Variants in ZNF385D observed in about 807,000 individuals in gnomAD.
ZNF385D encodes zinc finger protein 385D.
ZNF385D carries 15 observed loss-of-function variants against 35.8 expected under a neutral mutation model. The observed-to-expected ratio is 0.42, with a 90% CI of 0.28 to 0.64. ZNF385D has a LOEUF of 0.64. Among genes scored for constraint, ZNF385D ranks in the 30% least tolerant of loss-of-function variants. The pLI, the probability that ZNF385D is intolerant of heterozygous loss-of-function variation, is 0.23. For synonymous variants in ZNF385D, 212 were observed against 186.8 expected, an observed-to-expected ratio of 1.13 and a Z score of -1.10; for missense variants, 474 against 494.6, an observed-to-expected ratio of 0.96 and a Z score of 0.39.
intron 3 of ZNF385D, among the ~76,000 whole-genome samples, chr3:22,074,168 A>G (rs909113895): frequency 2.0e-5 from 3 of 151,992 alleles, no homozygotes; most frequent in African/African-American, 7.2e-5. Flanking sequence ...AGGGTTTTAC[A>G]GAAACAAGTG....
intron 3 of ZNF385D, among the ~76,000 whole-genome samples, chr3:22,101,000 C>G (rs186109702): frequency 6.6e-6 from 1 of 151,840 alleles, no homozygotes; most frequent in African/African-American, 2.4e-5. Flanking sequence ...GCAATACATG[C>G]GCCTGTTATA....
intron 3 of ZNF385D, among the ~76,000 whole-genome samples, chr3:22,042,290 T>C (rs185275058): frequency 6.6e-6 from 1 of 152,256 alleles, no homozygotes; most frequent in African/African-American, 2.4e-5. Flanking sequence ...ATTACATTAT[T>C]AATACCCACA....
At chr3:22,228,879 C>T (rs563765463) in intron 2 of ZNF385D, among the ~76,000 whole-genome samples, 41 of 152,300 alleles carry the variant, frequency 2.7e-4, no homozygotes, top group African/African-American at 8.7e-4. Flanking sequence ...ACATAGACTC[C>T]AATTATTCAG....
chr3:22,365,339 A>G (rs1696604908), intron 2 of ZNF385D, among the ~76,000 whole-genome samples: 2 of 152,046 alleles, frequency 1.3e-5, no homozygotes, highest in Non-Finnish European at 2.9e-5. Context: ...AATATCTAAG[A>G]AAAAAAATTG....
chr3:21,639,467 A>G (rs987973612), intron 2 of ZNF385D, among the ~76,000 whole-genome samples: 4 of 152,050 alleles, frequency 2.6e-5, no homozygotes, highest in Non-Finnish European at 5.9e-5. Context: ...TTAAAATGCA[A>G]TTTTATATAA....
intron 3 of ZNF385D, among the ~76,000 whole-genome samples, chr3:21,958,533 C>A (rs1408877351): frequency 6.6e-6 from 1 of 151,986 alleles, no homozygotes; most frequent in African/African-American, 2.4e-5. Flanking sequence ...GTTGATATCA[C>A]TCTTATTTGT....
chr3:21,613,328 A>G (rs1204224608), intron 2 of ZNF385D, among the ~76,000 whole-genome samples: 2 of 145,040 alleles, frequency 1.4e-5, no homozygotes, highest in Admixed American at 7.2e-5. Context: ...TAGACAAAGA[A>G]AGAAGTCAGA....
At chr3:21,846,901 A>T (rs1696040252) in intron 3 of ZNF385D, among the ~76,000 whole-genome samples, 1 of 151,990 alleles carries the variant, frequency 6.6e-6, no homozygotes, top group Admixed American at 6.6e-5. Flanking sequence ...AATAAAGAGA[A>T]CTGATAACCT....
chr3:21,987,332 C>T (rs1455813327), intron 3 of ZNF385D, among the ~76,000 whole-genome samples: 5 of 126,254 alleles, frequency 4.0e-5, no homozygotes, highest in African/African-American at 1.6e-4. Flanking sequence ...ATGTTTAGTG[C>T]TTCCTTCAGG....
chr3:21,816,860 G>C (rs946055966), intron 3 of ZNF385D, among the ~76,000 whole-genome samples: 2 of 152,106 alleles, frequency 1.3e-5, no homozygotes, highest in Non-Finnish European at 2.9e-5. Flanking sequence ...GAGCAAAAAA[G>C]AGCCTCCATT....
At chr3:21,525,196 A>C (rs1708150044) in intron 3 of ZNF385D, among the ~76,000 whole-genome samples, 1 of 152,142 alleles carries the variant, frequency 6.6e-6, no homozygotes, top group African/African-American at 2.4e-5. Context: ...ACTCAGTGAG[A>C]TTTCTAAAAT....
chr3:22,366,434 T>A (rs1696659720), intron 2 of ZNF385D, among the ~76,000 whole-genome samples: 1 of 152,134 alleles, frequency 6.6e-6, no homozygotes, highest in Non-Finnish European at 1.5e-5. Flanking sequence ...TATGTTAGAG[T>A]GAAGAGAGCA....
intron 1 of ZNF385D, among the ~76,000 whole-genome samples, chr3:21,738,712 T>C (rs1035561246): frequency 1.3e-5 from 2 of 152,162 alleles, no homozygotes; most frequent in African/African-American, 4.8e-5. Context: ...TTTGGCCCCT[T>C]ATGTTTAATC....
intron 1 of ZNF385D, among the ~76,000 whole-genome samples, chr3:21,730,911 T>G (rs536545566): frequency 1.3e-5 from 2 of 152,328 alleles, no homozygotes; most frequent in East Asian, 3.9e-4. Context: ...GCATCATAAT[T>G]TTACTTAATG....
At chr3:21,923,980 G>C (rs1433318485) in intron 3 of ZNF385D, among the ~76,000 whole-genome samples, 1 of 152,088 alleles carries the variant, frequency 6.6e-6, no homozygotes, top group African/African-American at 2.4e-5. Context: ...ATAAAATAAA[G>C]TAAAATGTGA....
chr3:21,470,243 A>G (rs1425859643), intron 4 of ZNF385D, among the ~76,000 whole-genome samples: 2 of 152,220 alleles, frequency 1.3e-5, no homozygotes, highest in African/African-American at 4.8e-5. Context: ...TTGAGAGCAC[A>G]TTATGAACAA....
chr3:21,765,145 T>G (rs1219173856), intron 3 of ZNF385D, among the ~76,000 whole-genome samples: 1 of 152,024 alleles, frequency 6.6e-6, no homozygotes, highest in Non-Finnish European at 1.5e-5. Flanking sequence ...TGTTTTAGAA[T>G]ACAAAAGCAG....
At chr3:21,887,739 C>A (rs535793129) in intron 3 of ZNF385D, among the ~76,000 whole-genome samples, 37 of 152,160 alleles carry the variant, frequency 2.4e-4, no homozygotes, top group Middle Eastern at 3.4e-3. Flanking sequence ...CTAAGACTTA[C>A]CCTAGGCTCT....
At chr3:21,840,746 G>A (rs1695613996) in intron 3 of ZNF385D, among the ~76,000 whole-genome samples, 1 of 151,968 alleles carries the variant, frequency 6.6e-6, no homozygotes, top group Non-Finnish European at 1.5e-5. Flanking sequence ...CTTTTGGAAT[G>A]TGGTTGGACC....
Sources: gnomAD v4.1 joint callset for allele counts (sites outside exome capture counted in the v4.1 genomes callset) on GRCh38, gnomAD v4.1.1 for gene constraint, MANE v1.5 for transcripts, NCBI Gene and HGNC (gene_info 2026-07-23, HGNC 2026-07-21) for gene names.